Variants in AKAP13 observed in about 807,000 individuals in gnomAD.
The protein encoded by AKAP13 is A-kinase anchoring protein 13.
AKAP13 carries 80 observed loss-of-function variants against 264.5 expected under a neutral mutation model. That is an observed-to-expected ratio of 0.30 (90% CI 0.25 to 0.36). AKAP13 has a LOEUF of 0.36. Among genes scored for constraint, AKAP13 ranks in the 10% least tolerant of loss-of-function variants. The pLI is 1.00. For synonymous variants in AKAP13, 1,380 were observed against 1,250.2 expected, an observed-to-expected ratio of 1.10 and a Z score of -2.19; for missense variants, 3,712 against 3,435.2, an observed-to-expected ratio of 1.08 and a Z score of -2.01.
intron 1 of AKAP13, among the ~76,000 whole-genome samples, chr15:85,394,460 A>G (rs2071018952): frequency 1.3e-5 from 2 of 152,220 alleles, no homozygotes; most frequent in Non-Finnish European, 2.9e-5. Flanking sequence ...TTTGAAGGCC[A>G]GGATGTTGTT....
chr15:85,555,823 T>C (rs1248178642), intron 5 of AKAP13, among the ~76,000 whole-genome samples: 2 of 98,724 alleles, frequency 2.0e-5, no homozygotes, highest in African/African-American at 3.0e-5. Context: ...TGTTGTATCA[T>C]ATACATAAAC....
rs116773564 is a variant in AKAP13, at chr15:85,724,784, G to A, written c.6745+1464G>A. 1.3e-3 allele frequency among the ~76,000 whole-genome samples: 196 copies of A among 152,110 alleles called. 1 individual carries two copies. The highest frequency in any genetic ancestry group is 4.7e-3 in the African/African-American group (193 of 41,496). The stretch of plus-strand genomic sequence containing the variant: ...CTGGTGACAGATAAGAGACTGTGCA[G>A]TGCTTTGGGGAAGAGCTCATCTGGG... On this transcript the variant is annotated intron_variant, in intron 26 of 36. Coordinates refer to ENST00000394518, the MANE Select transcript of AKAP13 (RefSeq NM_007200.5). The surrounding 1 kb of genome is among the most constrained non-coding windows in gnomAD (Gnocchi z 4.2).
intron 17 of AKAP13, among the ~76,000 whole-genome samples, chr15:85,697,050 A>G (rs931227305): frequency 2.0e-5 from 3 of 152,218 alleles, no homozygotes; most frequent in African/African-American, 4.8e-5. Flanking sequence ...ACAAGAGGTT[A>G]CATGAAATTC....
chr15:85,458,795 C>T (rs577675573), intron 1 of AKAP13, among the ~76,000 whole-genome samples: 21 of 152,208 alleles, frequency 1.4e-4, no homozygotes, highest in African/African-American at 3.9e-4. Context: ...TTAAGTTTTC[C>T]GTGACAACTT....
intron 8 of AKAP13, among the ~76,000 whole-genome samples, chr15:85,613,679 TAAAAAA>T (rs762473477): frequency 0.017 from 1,696 of 102,712 alleles, 163 homozygotes; most frequent in African/African-American, 0.051. Context: ...AGACTCCGTC[TAAAAAA>T]AAAAAAATAT....
intron 2 of AKAP13, among the ~76,000 whole-genome samples, chr15:85,506,102 G>T (rs1007482034): frequency 1.3e-5 from 2 of 152,180 alleles, no homozygotes; most frequent in African/African-American, 4.8e-5. Flanking sequence ...TTCAAGACCA[G>T]TCTGGCCAAC....
At chr15:85,734,906 T>A in intron 30 of AKAP13, 86 bp from the exon 31 acceptor site, 1 of 1,511,132 alleles carries the variant, frequency 6.6e-7, no homozygotes, top group Non-Finnish European at 8.9e-7. Flanking sequence ...CAAGTCGTGC[T>A]CTTTGTACGT....
intron 34 of AKAP13, chr15:85,740,712 C>A: frequency 2.9e-6 from 1 of 350,284 alleles, no homozygotes; most frequent in African/African-American, 2.1e-5. Context: ...TTCCTACTTT[C>A]TCCCACTTCC....
At chr15:85,670,164 A>G (rs976549646) in intron 14 of AKAP13, among the ~76,000 whole-genome samples, 2 of 152,226 alleles carry the variant, frequency 1.3e-5, no homozygotes, top group East Asian at 3.8e-4. Flanking sequence ...CAAAAATAGT[A>G]CAAAGTATTC....
intron 8 of AKAP13, among the ~76,000 whole-genome samples, chr15:85,607,636 G>C (rs2080413882): frequency 1.3e-5 from 2 of 152,106 alleles, no homozygotes; most frequent in South Asian, 4.1e-4. Flanking sequence ...CATTTCCTTT[G>C]ATGTTTCCTG....
chr15:85,631,283 G>A (rs1244327830), intron 8 of AKAP13, among the ~76,000 whole-genome samples: 1 of 152,016 alleles, frequency 6.6e-6, no homozygotes, highest in Non-Finnish European at 1.5e-5. Flanking sequence ...ACAGGGGATG[G>A]GGGTGAGGCA....
intron 5 of AKAP13, among the ~76,000 whole-genome samples, chr15:85,563,341 T>TG (rs1567127277): frequency 7.2e-6 from 1 of 138,240 alleles, no homozygotes; most frequent in Non-Finnish European, 1.5e-5. Flanking sequence ...TTTTTTTTTT[T>TG]TTTTTTTTTT....
intron 8 of AKAP13, among the ~76,000 whole-genome samples, chr15:85,604,426 G>C (rs1404463207): frequency 1.3e-5 from 2 of 150,614 alleles, no homozygotes; most frequent in Non-Finnish European, 2.9e-5. Context: ...AATTGACTCA[G>C]TAATGAAATG....
chr15:85,531,375 C>T (rs925538798), intron 3 of AKAP13, among the ~76,000 whole-genome samples: 3 of 152,202 alleles, frequency 2.0e-5, no homozygotes, highest in Non-Finnish European at 4.4e-5. Flanking sequence ...AGTTGAGACT[C>T]CTTACTTTAC....
intron 5 of AKAP13, among the ~76,000 whole-genome samples, chr15:85,571,301 A>G (rs2078811067): frequency 6.6e-6 from 1 of 152,050 alleles, no homozygotes; most frequent in Admixed American, 6.5e-5. Flanking sequence ...CTTATTTCAC[A>G]GGACTTTGTA....
At chr15:85,641,884 C>G (rs1378555639) in intron 9 of AKAP13, among the ~76,000 whole-genome samples, 1 of 152,112 alleles carries the variant, frequency 6.6e-6, no homozygotes, top group Non-Finnish European at 1.5e-5. Flanking sequence ...ACAGAGCCCA[C>G]CGGATTTCAG....
intron 1 of AKAP13, among the ~76,000 whole-genome samples, chr15:85,403,766 G>A (rs1455445094): frequency 6.6e-6 from 1 of 151,378 alleles, no homozygotes; most frequent in East Asian, 1.9e-4. Flanking sequence ...GCTTGAACCC[G>A]GGAGGTGGTT....
intron 5 of AKAP13, among the ~76,000 whole-genome samples, chr15:85,550,158 G>T (rs924164584): frequency 6.6e-6 from 1 of 152,072 alleles, no homozygotes; most frequent in African/African-American, 2.4e-5. Flanking sequence ...CTCGTGATCC[G>T]CCTGCCTTGG....
intron 8 of AKAP13, among the ~76,000 whole-genome samples, chr15:85,630,168 C>T (rs58586762): frequency 0.13 from 3,514 of 27,176 alleles, 108 homozygotes; most frequent in East Asian, 0.45. Context: ...TTAACACATA[C>T]ACACACACAC....
Sources: gnomAD v4.1 joint callset for allele counts (sites outside exome capture counted in the v4.1 genomes callset) on GRCh38, gnomAD v4.1.1 for gene constraint, Gnocchi (gnomAD v3.1) non-coding constraint, MANE v1.5 for transcripts, NCBI Gene and HGNC (gene_info 2026-07-23, HGNC 2026-07-21) for gene names.